Variants in NBN observed in about 807,000 individuals in gnomAD.
NBN encodes the protein nibrin, also known as Nijmegen breakage syndrome 1 (nibrin).
A neutral mutation model predicts 90.8 loss-of-function variants in NBN; 88 were observed. The ratio of observed to expected loss-of-function variants is 0.97; its 90% CI spans 0.82 to 1.16. NBN has a LOEUF of 1.16. Ranked by LOEUF, NBN falls within the 50% of genes most tolerant of loss-of-function variation. NBN has a pLI of 0.00. For missense variants in NBN, 894 were observed against 869.6 expected, an observed-to-expected ratio of 1.03 and a Z score of -0.35; for synonymous variants, 328 against 295.1, an observed-to-expected ratio of 1.11 and a Z score of -1.14.
rs1809575606 is a variant in NBN at position 89,934,525 on chromosome 8, GT to G, written c.*1056del. ...GATGCACTTCCACAAGATTTGGAAG[GT>G]GAGAGTGATGTAGAGGCCAGCCTCT... On this transcript the variant is annotated 3_prime_UTR_variant, in exon 16 of 16. Transcript: ENST00000265433. The G allele has an allele frequency of 8.6e-6, 2 of 233,200 alleles. No individual in the cohort carries two copies. 14.4% of individuals were successfully genotyped at this position (233,200 alleles called of 1,614,324 possible). A position where few individuals can be genotyped will look rare whatever the true frequency, so the allele number is the denominator to read the frequency against.
intron 14 of NBN, among the ~76,000 whole-genome samples, chr8:89,940,625 G>GAA (rs34788524): frequency 1.9e-4 from 26 of 135,884 alleles, no homozygotes; most frequent in Non-Finnish European, 2.4e-4. Flanking sequence ...TCTACTAGAG[G>GAA]AAAAAAAAAA....
intron 4 of NBN, among the ~76,000 whole-genome samples, chr8:89,980,105 A>T (rs1811985623): frequency 6.6e-6 from 1 of 152,226 alleles, no homozygotes; most frequent in Admixed American, 6.5e-5. Flanking sequence ...CAAAAATAAA[A>T]AAACCCTTGA....
intron 13 of NBN, among the ~76,000 whole-genome samples, chr8:89,945,858 G>A (rs890220134): frequency 1.3e-5 from 2 of 152,104 alleles, no homozygotes; most frequent in African/African-American, 4.8e-5. Context: ...TAACAGAGAA[G>A]ATCCTGTGAT....
At chr8:89,936,292 G>A (rs1809680244) in intron 15 of NBN, among the ~76,000 whole-genome samples, 1 of 151,992 alleles carries the variant, frequency 6.6e-6, no homozygotes, top group Non-Finnish European at 1.5e-5. Context: ...GGCCAGGCTA[G>A]TGTTGAACTC....
intron 4 of NBN, among the ~76,000 whole-genome samples, chr8:89,978,905 T>TACATCCAAAAAATATGAC (rs1811909109): frequency 6.6e-6 from 1 of 152,196 alleles, no homozygotes; most frequent in African/African-American, 2.4e-5. Flanking sequence ...TCAAATATGA[T>TACATCCAAAAAATATGAC]ACATCCAAAA....
In NBN at chr8:89,943,497, A is replaced by AG. The variant is rs1810048865; in HGVS notation, c.2071-132dup. On this transcript the variant is annotated intron_variant, in intron 13 of 15. Coordinates refer to ENST00000265433, the MANE Select transcript of NBN (RefSeq NM_002485.5). ...AAGATGTTTATATTCTACAAATAAAAGTGAGAGCAGTAACTCTGTTCTAAA... is the reference window on the plus strand; with the variant it reads ...AAGATGTTTATATTCTACAAATAAAAGGTGAGAGCAGTAACTCTGTTCTAAA... 86 of 929,156 alleles carry AG rather than the reference A, an allele frequency of 9.3e-5. 2 individuals carry two copies. In the South Asian group the frequency reaches 1.2e-3, roughly 13 times the overall value. 57.6% of individuals were successfully genotyped at this position (929,156 alleles called of 1,614,324 possible). A position where few individuals can be genotyped will look rare whatever the true frequency, so the allele number is the denominator to read the frequency against.
In NBN at chr8:89,981,722, C is replaced by G. The variant is rs1812079393; in HGVS notation, c.172-199G>C. The G allele has an allele frequency of 6.5e-6, 4 of 612,776 alleles. No individual in the cohort carries two copies. In the South Asian group the frequency reaches 7.9e-5, roughly 12 times the overall value. 38.0% of individuals were successfully genotyped at this position (612,776 alleles called of 1,614,324 possible). A position where few individuals can be genotyped will look rare whatever the true frequency, so the allele number is the denominator to read the frequency against. On this transcript the variant is annotated intron_variant, in intron 2 of 15. Coordinates refer to ENST00000265433, the MANE Select transcript of NBN (RefSeq NM_002485.5). Reference sequence around the variant, plus strand: ...TTCCCCTTAGGGAAGTTTCTTAACCCAGGAATACCCCTCCTAGAACACACA... The same window carrying G: ...TTCCCCTTAGGGAAGTTTCTTAACCGAGGAATACCCCTCCTAGAACACACA...
At position 89,982,770 on chromosome 8, in the gene NBN, G is replaced by A. The variant is rs887413615; in HGVS notation, c.123C>T (p.Ile41=). 1 of 1,613,872 alleles carries A rather than the reference G, an allele frequency of 6.2e-7. No individual in the cohort carries two copies. The highest frequency in any genetic ancestry group is 8.5e-7 in the Non-Finnish European group (1 of 1,179,840). ...CAILIENDQS[I]SRNHAVLTAN... ...CAGTTAACACAGCATGATTTCGGCT[G>A]ATCGACTGATCATTTTCAATCAGAA... Residue 41 remains isoleucine, a synonymous_variant, in exon 2 of 16, where the codon ATC becomes ATT. Coordinates refer to ENST00000265433, the MANE Select transcript of NBN (RefSeq NM_002485.5).
intron 1 of NBN, chr8:89,984,202 G>T (rs1586115146): frequency 2.2e-6 from 1 of 461,786 alleles, no homozygotes. Flanking sequence ...GCCTGCTGCC[G>T]CTTACCCGCA....
chr8:89,940,433 T>C (rs1809886584), intron 14 of NBN, among the ~76,000 whole-genome samples: 1 of 152,166 alleles, frequency 6.6e-6, no homozygotes. Flanking sequence ...AATTCTGTTC[T>C]TATGGGCAAG....
chr8:89,970,442 G>A lies in NBN; in HGVS notation c.818C>T (p.Thr273Ile), dbSNP rs1554563912. The A allele has an allele frequency of 6.2e-7, 1 of 1,613,964 alleles. No individual in the cohort carries two copies. Among genetic ancestry groups the A allele is most frequent in the East Asian group, 2.2e-5 (1 of 44,870 alleles). ...FLAPGTCVVD[T>I]GITNSQTLIP... ...TAAGGTCTGTGAGTTTGTTATTCCTGTATCAACAACACACGTTCCCGGAGC... is the reference window on the plus strand; with the variant it reads ...TAAGGTCTGTGAGTTTGTTATTCCTATATCAACAACACACGTTCCCGGAGC... The change falls in exon 7 of 16, where the codon ACA becomes ATA. Residue 273 changes from threonine to isoleucine, a missense_variant. Thr to Ile is a moderately conservative substitution (Grantham distance 89). Coordinates refer to ENST00000265433, the MANE Select transcript of NBN (RefSeq NM_002485.5).
intron 4 of NBN, among the ~76,000 whole-genome samples, chr8:89,979,138 C>T (rs1811923075): frequency 6.6e-6 from 1 of 152,038 alleles, no homozygotes; most frequent in Admixed American, 6.6e-5. Flanking sequence ...CCACCATACC[C>T]AGCTAATTTT....
At chr8:89,955,170 CA>C (rs1810637554) in intron 10 of NBN, 112 bp downstream of exon 10, 1 of 1,053,682 alleles carries the variant, frequency 9.5e-7, no homozygotes, top group Non-Finnish European at 1.4e-6. Flanking sequence ...CAAAAAGCTG[CA>C]GCAGCAGAAG....
At position 89,955,367 on chromosome 8, in the gene NBN, C is replaced by A. The variant is rs786203131; in HGVS notation, c.1313G>T (p.Ser438Ile). The change falls in exon 10 of 16, where the codon AGT becomes ATT. Residue 438 changes from serine to isoleucine, a missense_variant. Physicochemically the swap from Ser to Ile is moderately radical, Grantham distance 142. Coordinates refer to ENST00000265433, the MANE Select transcript of NBN (RefSeq NM_002485.5). ...NYQLSPTKLPSINKSKDRASQ... is the reference protein window; with the variant it reads ...NYQLSPTKLPIINKSKDRASQ... ...AGCCCTATCTTTACTTTTATTTATA[C>A]TTGGCAATTTAGTTGGTGAAAGCTG... The A allele has an allele frequency of 1.9e-6, 3 of 1,613,686 alleles. No homozygotes were observed. The highest frequency in any genetic ancestry group is 2.5e-6 in the Non-Finnish European group (3 of 1,179,730).
At chr8:89,936,329 C>T (rs1809682364) in intron 15 of NBN, among the ~76,000 whole-genome samples, 1 of 152,084 alleles carries the variant, frequency 6.6e-6, no homozygotes, top group Non-Finnish European at 1.5e-5. Context: ...CCCACCTCAG[C>T]CTCCCAAAGT....
chr8:89,984,389 G>C, intron 1 of NBN, 136 bp downstream of exon 1: 1 of 807,206 alleles, frequency 1.2e-6, no homozygotes, highest in Non-Finnish European at 2.1e-6. Context: ...GCCATACAGC[G>C]TACTCGCCGC....
At chr8:89,980,654 TA>T (rs957067154) in intron 4 of NBN, 79 bp downstream of exon 4, 428 of 1,211,742 alleles carry the variant, frequency 3.5e-4, no homozygotes, top group Non-Finnish European at 4.4e-4. Flanking sequence ...TTAAAGTAAT[TA>T]AAAAAAAATC....
intron 5 of NBN, among the ~76,000 whole-genome samples, chr8:89,977,284 T>C (rs1029451024): frequency 6.6e-6 from 1 of 151,260 alleles, no homozygotes; most frequent in Non-Finnish European, 1.5e-5. Flanking sequence ...CGTGTTCTCA[T>C]TGTTCCACTC....
chr8:89,953,732 G>A (rs1015803787), intron 10 of NBN, 41 bp from the exon 11 acceptor site: 2 of 1,486,628 alleles, frequency 1.3e-6, no homozygotes, highest in African/African-American at 1.4e-5. Context: ...ACAAGAAAAT[G>A]AACACAGCTA....
Sources: gnomAD v4.1 joint callset for allele counts (sites outside exome capture counted in the v4.1 genomes callset) on GRCh38, gnomAD v4.1.1 for gene constraint, MANE v1.5 for transcripts, NCBI Gene and HGNC (gene_info 2026-07-23, HGNC 2026-07-21) for gene names.